The following ADAMTS8 variants were observed in gnomAD, a reference collection of about 807,000 sequenced individuals.
ADAMTS8 encodes the protein A disintegrin and metalloproteinase with thrombospondin motifs 8.
ADAMTS8 carries 50 observed loss-of-function variants against 64.4 expected under a neutral mutation model. That is an observed-to-expected ratio of 0.78 (90% CI 0.62 to 0.98). ADAMTS8 has a LOEUF of 0.98. Ranked by LOEUF, ADAMTS8 falls within the 50% of genes least tolerant of loss-of-function variation. The pLI is 0.00. For missense variants in ADAMTS8, 1,192 were observed against 1,208.2 expected (o/e 0.99, Z 0.20); for synonymous variants, 556 against 533.6 (o/e 1.04, Z -0.58).
At chr11:130,420,605 T>G (rs953934864) in intron 1 of ADAMTS8, among the ~76,000 whole-genome samples, 1 of 152,044 alleles carries the variant, frequency 6.6e-6, no homozygotes, top group East Asian at 1.9e-4. Flanking sequence ...GAGAGGGACA[T>G]TCCATCGGGT....
At position 130,405,625 on chromosome 11, in the gene ADAMTS8, G is replaced by T; in HGVS notation, c.2603C>A (p.Ala868Asp). ...ECRDPSGQASATCNKALKPED... is the reference protein window; with the variant it reads ...ECRDPSGQASDTCNKALKPED... ...GGGTTTCAGAGCCTTGTTGCAGGTGGCAGAGGCCTGGCCGGAGGGGTCCCT... is the reference window on the plus strand; with the variant it reads ...GGGTTTCAGAGCCTTGTTGCAGGTGTCAGAGGCCTGGCCGGAGGGGTCCCT... Residue 868 changes from alanine to aspartate, a missense_variant, in exon 9 of 9, where the codon GCC becomes GAC. Ala to Asp is a moderately radical substitution (Grantham distance 126, BLOSUM62 -2). Around this residue, in one of 5 missense-constraint regions of ADAMTS8, gnomAD observed 147 missense variants for 154.1 expected, o/e 0.95. Coordinates refer to ENST00000257359, the MANE Select transcript of ADAMTS8 (RefSeq NM_007037.6). The T allele has an allele frequency of 6.2e-7, 1 of 1,613,336 alleles. No homozygotes were observed. The highest frequency in any genetic ancestry group is 8.5e-7 in the Non-Finnish European group (1 of 1,179,434).
At chr11:130,420,741 G>C (rs555259397) in intron 1 of ADAMTS8, among the ~76,000 whole-genome samples, 1 of 152,110 alleles carries the variant, frequency 6.6e-6, no homozygotes, top group Non-Finnish European at 1.5e-5. Context: ...GTTACTTGGC[G>C]TGTCAAGCAC....
chr11:130,408,591 G>T lies in ADAMTS8; in HGVS notation c.1972C>A (p.Arg658Ser), dbSNP rs767473536. The T allele has an allele frequency of 6.2e-7, 1 of 1,614,150 alleles. No individual in the cohort carries two copies. The highest frequency in any genetic ancestry group is 8.5e-7 in the Non-Finnish European group (1 of 1,180,044). Residue 658 changes from arginine to serine, a missense_variant, in exon 8 of 9, where the codon CGT (arginine) becomes AGT (serine). Physicochemically the swap from Arg to Ser is moderately radical, Grantham distance 110. Around this residue, in one of 5 missense-constraint regions of ADAMTS8, gnomAD observed 290 missense variants for 297.8 expected, o/e 0.97. Coordinates refer to ENST00000257359, the MANE Select transcript of ADAMTS8 (RefSeq NM_007037.6). ...CGPETLAICV[R>S]GQCVKAGCDH... ...CAGCCGGCCTTGACACACTGGCCAC[G>T]GACACAGATGGCCAGTGTTTCTGGC...
At chr11:130,412,021 C>G (rs73042993) in intron 5 of ADAMTS8, 15,631 of 192,328 alleles carry the variant, frequency 0.081, 909 homozygotes, top group African/African-American at 0.18. Context: ...GTGACCACAT[C>G]TAGTGGGTAG....
chr11:130,413,391 G>A (rs564995020), intron 5 of ADAMTS8, among the ~76,000 whole-genome samples: 2 of 152,304 alleles, frequency 1.3e-5, no homozygotes, highest in South Asian at 2.1e-4. Context: ...TAGGACAAGA[G>A]TACAGAGCTT....
intron 2 of ADAMTS8, among the ~76,000 whole-genome samples, chr11:130,418,614 C>G (rs903144024): frequency 2.0e-5 from 3 of 152,250 alleles, no homozygotes; most frequent in African/African-American, 7.2e-5. Context: ...CAGGATCGCT[C>G]TCTTGCTTTC....
In ADAMTS8 at chr11:130,405,752, T is replaced by C; in HGVS notation, c.2476A>G (p.Asn826Asp). 1 of 1,614,178 alleles carries C rather than the reference T, an allele frequency of 6.2e-7. No homozygotes were observed. Among genetic ancestry groups the C allele is most frequent in the Non-Finnish European group, 8.5e-7 (1 of 1,180,032 alleles). ...GCGTGGAGCAGCGGCTGGATGATGT[T>C]GGTGGTTGCTCTCTCTTTGCTGCTC... is the stretch of plus-strand genomic sequence containing the variant. ...MQSSKERATT[N>D]IIQPLLHAQW... Residue 826 changes from asparagine to aspartate, a missense_variant, in exon 9 of 9, where the codon AAC becomes GAC. By Grantham distance (23) the Asn-to-Asp change is conservative (BLOSUM62 1). Transcript: ENST00000257359.
rs770497110 is a variant in ADAMTS8, at chr11:130,427,816, T to C, written c.471A>G (p.Gly157=). 2.6e-6 allele frequency: 4 copies of C among 1,560,832 alleles called. No individual in the cohort carries two copies. Among genetic ancestry groups the C allele is most frequent in the Admixed American group, 1.9e-5 (1 of 53,950 alleles). ...PHRLQRWGPA[G]ARPLPRGPEW... ...CGGGTCCTCGCGGGAGGGGGCGGGC[T>C]CCGGCGGGACCCCAGCGCTGCAGGC... Residue 157 remains glycine, a synonymous_variant, in exon 1 of 9, where the codon GGA becomes GGG. Transcript: ENST00000257359.
intron 5 of ADAMTS8, among the ~76,000 whole-genome samples, chr11:130,412,339 G>A (rs374711177): frequency 6.6e-6 from 1 of 151,916 alleles, no homozygotes; most frequent in African/African-American, 2.4e-5. Flanking sequence ...TCGGCCTCCC[G>A]AATAACTGGG....
intron 1 of ADAMTS8, 59 bp downstream of exon 1, chr11:130,427,508 G>T (rs1440617458): frequency 7.3e-7 from 1 of 1,369,282 alleles, no homozygotes; most frequent in Non-Finnish European, 9.8e-7. Flanking sequence ...TTTTAGAGAC[G>T]CTGGGAGGCG....
At chr11:130,426,932 T>G (rs576791776) in intron 1 of ADAMTS8, among the ~76,000 whole-genome samples, 1 of 152,254 alleles carries the variant, frequency 6.6e-6, no homozygotes, top group East Asian at 1.9e-4. Flanking sequence ...GCTGCTGGCA[T>G]TGCCAAGTTC....
At chr11:130,417,341 C>G (rs1362661889) in intron 2 of ADAMTS8, among the ~76,000 whole-genome samples, 2 of 152,152 alleles carry the variant, frequency 1.3e-5, no homozygotes, top group African/African-American at 4.8e-5. Context: ...ACTGCATCCT[C>G]TGCTTATGGG....
chr11:130,428,334 G>A lies in ADAMTS8; in HGVS notation c.-48C>T. The stretch of plus-strand genomic sequence containing the variant: ...CGCAGGAGAGGGAAGAAGCCCGCCA[G>A]GCGCGGGCAGGTGCTGGCGGCCCGA... On this transcript the variant is annotated 5_prime_UTR_variant, in exon 1 of 9. Transcript: ENST00000257359. The A allele has an allele frequency of 7.9e-7, 1 of 1,260,808 alleles. No homozygotes were observed. Among genetic ancestry groups the A allele is most frequent in the South Asian group, 1.8e-5 (1 of 55,818 alleles). 78.1% of individuals were successfully genotyped at this position (1,260,808 alleles called of 1,614,324 possible).
Position 130,417,084 on chromosome 11 carries a change from C to T in ADAMTS8, c.961-9G>A, listed in dbSNP as rs370500258. ...TCCTGCCCACAGAAGTTCTGCGTGG[C>T]GGGGAGAGAGCAAGAGAGTGCATCA... On this transcript the variant is annotated splice_polypyrimidine_tract_variant and intron_variant, in intron 2 of 8. Transcript: ENST00000257359. 4.7e-5 allele frequency: 76 copies of T among 1,613,394 alleles called. 1 individual carries two copies. The South Asian group carries it at 5.5e-4, about 12-fold the overall frequency.
chr11:130,414,934 G>C, intron 4 of ADAMTS8, 102 bp from the exon 5 acceptor site: 1 of 1,239,984 alleles, frequency 8.1e-7, no homozygotes, highest in Non-Finnish European at 1.1e-6. Context: ...TAGGTGTCAC[G>C]ACTTCTTGAC....
rs775536904 is a variant in ADAMTS8 at position 130,408,776 on chromosome 11, C to T, written c.1915G>A (p.Glu639Lys). Residue 639 changes from glutamate to lysine, a missense_variant, in exon 7 of 9, where the codon GAG (glutamate) becomes AAG (lysine). Glu to Lys is a moderately conservative substitution (Grantham distance 56, BLOSUM62 1). Around this residue, in one of 5 missense-constraint regions of ADAMTS8, gnomAD observed 290 missense variants for 297.8 expected, o/e 0.97. Coordinates refer to ENST00000257359, the MANE Select transcript of ADAMTS8 (RefSeq NM_007037.6). ...CCCAGGGTGATTCTCACCTTGGCCT[C>T]GAACACTTTGAACTCGCTCCTCCCC... ...ARGRSEFKVF[E>K]AKVIDGTLCG... 122 of 1,614,032 alleles carry T rather than the reference C, an allele frequency of 7.6e-5. No homozygotes were observed. The highest frequency in any genetic ancestry group is 3.1e-4 in the East Asian group (14 of 44,878).
intron 6 of ADAMTS8, among the ~76,000 whole-genome samples, chr11:130,409,172 G>A (rs1482747793): frequency 1.1e-4 from 16 of 152,168 alleles, no homozygotes. Flanking sequence ...TAGGATAAAT[G>A]CCCTTTCCAT....
At chr11:130,414,256 T>C (rs1164618255) in intron 5 of ADAMTS8, among the ~76,000 whole-genome samples, 1 of 151,822 alleles carries the variant, frequency 6.6e-6, no homozygotes, top group East Asian at 1.9e-4. Context: ...TCTGAGTAGC[T>C]GGGACTACAA....
At position 130,408,595 on chromosome 11, in the gene ADAMTS8, A is replaced by C; in HGVS notation, c.1968T>G (p.Cys656Trp). Residue 656 changes from cysteine (C) to tryptophan (W), a missense_variant, in exon 8 of 9, where the codon TGT (cysteine) becomes TGG (tryptophan). Around this residue, in one of 5 missense-constraint regions of ADAMTS8, gnomAD observed 290 missense variants for 297.8 expected, o/e 0.97. Transcript: ENST00000257359. Reference sequence around the variant, plus strand: ...CGGCCTTGACACACTGGCCACGGACACAGATGGCCAGTGTTTCTGGCCCAC... The same window carrying C: ...CGGCCTTGACACACTGGCCACGGACCCAGATGGCCAGTGTTTCTGGCCCAC... ...TLCGPETLAI[C>W]VRGQCVKAGC... is the part of the protein sequence containing the mutation. 6.2e-7 allele frequency: 1 copy of C among 1,614,192 alleles called. No homozygotes were observed. Among genetic ancestry groups the C allele is most frequent in the Non-Finnish European group, 8.5e-7 (1 of 1,180,042 alleles).
Sources: gnomAD v4.1 joint callset for allele counts (sites outside exome capture counted in the v4.1 genomes callset) on GRCh38, gnomAD v4.1.1 for gene constraint, gnomAD v4.1.1 regional missense constraint, MANE v1.5 for transcripts, NCBI Gene and HGNC (gene_info 2026-07-23, HGNC 2026-07-21) for gene names.